Variants in GRID2 observed in about 807,000 individuals in gnomAD.
GRID2 encodes the protein glutamate ionotropic receptor delta type subunit 2.
GRID2 carries 33 observed loss-of-function variants against 114.8 expected under a neutral mutation model. That is an observed-to-expected ratio of 0.29 (90% confidence interval 0.22 to 0.38). The LOEUF (loss-of-function observed/expected upper bound fraction) is 0.38, where lower values mean the gene tolerates loss of function less well. Among genes scored for constraint, GRID2 ranks in the 10% least tolerant of loss-of-function variants. The pLI is 1.00. For missense variants in GRID2, 1,184 were observed against 1,257.7 expected (o/e 0.94, Z 0.89); for synonymous variants, 505 against 449.9 (o/e 1.12, Z -1.55).
rs1758035180 is a variant in GRID2, at chr4:93,328,093, G to C, written c.1246-67514G>C. 2.0e-5 allele frequency among the ~76,000 whole-genome samples: 3 copies of C among 151,578 alleles called. No homozygotes were observed. The South Asian group carries it at 6.3e-4, about 32-fold the overall frequency. On this transcript the variant is annotated intron_variant, in intron 8 of 15. Transcript: ENST00000282020. ...CTTTCGCGCCACTGCACTCCAGCCT[G>C]GGTGAACGAGCAAGACTCCGTCTCA...
intron 13 of GRID2, among the ~76,000 whole-genome samples, chr4:93,608,316 T>TA (rs1740528517): frequency 2.7e-5 from 4 of 147,946 alleles, no homozygotes; most frequent in African/African-American, 9.9e-5. Context: ...TTTTAATTTT[T>TA]TTTTTTTATT....
In GRID2 at chr4:92,773,804, T is replaced by G. The variant is rs577652283; in HGVS notation, c.244+183518T>G. 2.0e-5 allele frequency among the ~76,000 whole-genome samples: 3 copies of G among 152,184 alleles called. No individual in the cohort carries two copies. The East Asian group carries it at 5.8e-4, about 29-fold the overall frequency. On this transcript the variant is annotated intron_variant, in intron 2 of 15. Coordinates refer to ENST00000282020, the MANE Select transcript of GRID2 (RefSeq NM_001510.4). ...AAAACAATAAAATGTAAAGTATAAT[T>G]TAGAGCTTTTTAGTAATTTTGAGAC...
chr4:92,551,031 C>T (rs1202721738), intron 1 of GRID2, among the ~76,000 whole-genome samples: 1 of 152,098 alleles, frequency 6.6e-6, no homozygotes, highest in Non-Finnish European at 1.5e-5. Flanking sequence ...AAATGGGGAT[C>T]ACTAAAAGTA....
intron 8 of GRID2, among the ~76,000 whole-genome samples, chr4:93,379,339 T>C (rs1269918789): frequency 6.6e-6 from 1 of 152,046 alleles, no homozygotes; most frequent in African/African-American, 2.4e-5. Flanking sequence ...TTTGAAAATA[T>C]TTGAGGAGGG....
intron 10 of GRID2, among the ~76,000 whole-genome samples, chr4:93,435,973 C>T (rs1279854738): frequency 7.0e-6 from 1 of 143,316 alleles, no homozygotes; most frequent in East Asian, 2.1e-4. Context: ...TTTTCAGTCT[C>T]TTTCAAATTC....
chr4:93,713,151 C>G (rs6850113), intron 14 of GRID2, among the ~76,000 whole-genome samples: 1 of 152,050 alleles, frequency 6.6e-6, no homozygotes, highest in Non-Finnish European at 1.5e-5. Flanking sequence ...CAATGAATTT[C>G]TAATGATTCT....
intron 11 of GRID2, among the ~76,000 whole-genome samples, chr4:93,490,241 A>T (rs1289782777): frequency 6.6e-6 from 1 of 151,920 alleles, no homozygotes; most frequent in Non-Finnish European, 1.5e-5. Context: ...AATCCTTTCA[A>T]TATTATTTAT....
At chr4:92,970,697 C>T (rs773504824) in intron 2 of GRID2, among the ~76,000 whole-genome samples, 5 of 151,752 alleles carry the variant, frequency 3.3e-5, no homozygotes, top group Non-Finnish European at 7.4e-5. Flanking sequence ...TTGTTAAATT[C>T]CATTAGTGCA....
intron 2 of GRID2, among the ~76,000 whole-genome samples, chr4:92,622,169 A>G (rs1433923630): frequency 6.6e-6 from 1 of 151,774 alleles, no homozygotes; most frequent in Admixed American, 6.6e-5. Flanking sequence ...TCTGAGTCAT[A>G]GTAAGAATTA....
chr4:93,769,487 A>G (rs1457934080), intron 15 of GRID2, 37 bp downstream of exon 15: 3 of 1,607,136 alleles, frequency 1.9e-6, no homozygotes, highest in Admixed American at 3.3e-5. Flanking sequence ...AATTGAATCA[A>G]CAAGCAGGCT....
Position 93,585,227 on chromosome 4 carries a change from G to C in GRID2, c.2194-41042G>C, listed in dbSNP as rs139345000. On this transcript the variant is annotated intron_variant, in intron 13 of 15. Transcript: ENST00000282020. ...AAACCTGTGTTTCACCTCCTGTTACGATTCTTCAAAGAAATCCCTCAGGAT... is the reference window on the plus strand; with the variant it reads ...AAACCTGTGTTTCACCTCCTGTTACCATTCTTCAAAGAAATCCCTCAGGAT... Among the ~76,000 whole-genome samples, 222 of 152,062 alleles carry C rather than the reference G, an allele frequency of 1.5e-3. 7 individuals are homozygous for C. The highest frequency in any genetic ancestry group is 0.013 in the Admixed American group (202 of 15,246).
chr4:92,538,003 T>C (rs1285161765), intron 1 of GRID2, among the ~76,000 whole-genome samples: 1 of 152,176 alleles, frequency 6.6e-6, no homozygotes, highest in Non-Finnish European at 1.5e-5. Context: ...TTTCTTCTGG[T>C]TCTTTTCTCA....
chr4:92,906,870 A>G (rs1217215278), intron 2 of GRID2, among the ~76,000 whole-genome samples: 1 of 152,102 alleles, frequency 6.6e-6, no homozygotes, highest in Non-Finnish European at 1.5e-5. Flanking sequence ...ACAGTTTACT[A>G]CTCAAAGTGT....
At chr4:93,166,005 G>A (rs1267608773) in intron 4 of GRID2, 1 of 152,084 alleles carries the variant, frequency 6.6e-6, no homozygotes, top group Non-Finnish European at 1.5e-5. Flanking sequence ...TAAATCATAT[G>A]TATAGGCACT....
intron 2 of GRID2, among the ~76,000 whole-genome samples, chr4:92,736,338 A>G (rs948524929): frequency 2.0e-5 from 3 of 152,250 alleles, no homozygotes; most frequent in South Asian, 4.1e-4. Flanking sequence ...ACAGCCCTAA[A>G]GACATTTGAT....
At chr4:92,748,028 G>A (rs1051646397) in intron 2 of GRID2, among the ~76,000 whole-genome samples, 13 of 152,070 alleles carry the variant, frequency 8.5e-5, no homozygotes, top group South Asian at 4.2e-4. Flanking sequence ...TTCTTTCTAG[G>A]ACTAAGACAA....
intron 2 of GRID2, among the ~76,000 whole-genome samples, chr4:92,694,504 C>G (rs1734336976): frequency 6.6e-6 from 1 of 152,184 alleles, no homozygotes; most frequent in Non-Finnish European, 1.5e-5. Context: ...TCTGTGTCCT[C>G]AACCCTATAA....
At chr4:92,486,863 T>G (rs1254260874) in intron 1 of GRID2, among the ~76,000 whole-genome samples, 1 of 151,982 alleles carries the variant, frequency 6.6e-6, no homozygotes, top group Non-Finnish European at 1.5e-5. Context: ...ATATTAGGTT[T>G]TGGTGCAATG....
intron 8 of GRID2, among the ~76,000 whole-genome samples, chr4:93,270,178 T>C (rs1018090353): frequency 2.0e-5 from 3 of 149,858 alleles, no homozygotes; most frequent in African/African-American, 7.4e-5. Flanking sequence ...CCAAAGCAGA[T>C]AGGACTTCAA....
Sources: gnomAD v4.1 joint callset for allele counts (sites outside exome capture counted in the v4.1 genomes callset) on GRCh38, gnomAD v4.1.1 for gene constraint, MANE v1.5 for transcripts, NCBI Gene and HGNC (gene_info 2026-07-23, HGNC 2026-07-21) for gene names.